Variants in STPG2 observed in about 807,000 individuals in gnomAD.
STPG2 encodes the protein sperm-tail PG-rich repeat-containing protein 2.
A neutral mutation model predicts 54.2 loss-of-function variants in STPG2; 56 were observed. The ratio of observed to expected loss-of-function variants is 1.03; its 90% CI spans 0.83 to 1.29. The LOEUF (loss-of-function observed/expected upper bound fraction) is 1.29, where lower values mean the gene tolerates loss of function less well. Among genes scored for constraint, STPG2 ranks in the 50% most tolerant of loss-of-function variants. STPG2 has a pLI of 0.00. For missense variants in STPG2, 596 were observed against 544.9 expected, an observed-to-expected ratio of 1.09 and a Z score of -0.93; for synonymous variants, 200 against 181.8, an observed-to-expected ratio of 1.10 and a Z score of -0.81.
intron 9 of STPG2, among the ~76,000 whole-genome samples, chr4:97,719,525 T>G (rs1197072250): frequency 6.6e-6 from 1 of 151,968 alleles, no homozygotes; most frequent in African/African-American, 2.4e-5. Context: ...TACAATTTAG[T>G]GTGTTGTTGT....
chr4:97,668,664 G>T (rs944274387), intron 10 of STPG2, among the ~76,000 whole-genome samples: 99 of 140,840 alleles, frequency 7.0e-4, no homozygotes, highest in African/African-American at 2.4e-3. Context: ...AGGAAGGAAA[G>T]AAGGGAGGGA....
intron 4 of STPG2, among the ~76,000 whole-genome samples, chr4:97,455,915 G>A (rs1230857451): frequency 4.6e-5 from 7 of 152,128 alleles, no homozygotes; most frequent in African/African-American, 1.7e-4. Flanking sequence ...TGAGCAGTGG[G>A]GCACTGAAGA....
intron 9 of STPG2, among the ~76,000 whole-genome samples, chr4:97,754,896 G>A (rs544632870): frequency 6.6e-6 from 1 of 152,146 alleles, no homozygotes; most frequent in South Asian, 2.1e-4. Flanking sequence ...AAATCATTGA[G>A]GCCATCCTAG....
At chr4:97,988,398 G>C (rs529732686) in intron 5 of STPG2, among the ~76,000 whole-genome samples, 5 of 152,170 alleles carry the variant, frequency 3.3e-5, no homozygotes, top group African/African-American at 1.2e-4. Context: ...GAAAGGTCAA[G>C]TCATTTTCTT....
At chr4:97,779,380 G>GA (rs1219491294) in intron 9 of STPG2, among the ~76,000 whole-genome samples, 1 of 151,752 alleles carries the variant, frequency 6.6e-6, no homozygotes. Flanking sequence ...GAAGTTTAGA[G>GA]AAAAAAAGGG....
At chr4:97,508,406 T>C (rs1730898762) in intron 4 of STPG2, among the ~76,000 whole-genome samples, 1 of 152,106 alleles carries the variant, frequency 6.6e-6, no homozygotes, top group Non-Finnish European at 1.5e-5. Context: ...ATTCAAAATA[T>C]GGTTATTCAC....
At chr4:98,078,096 G>A (rs997839930) in intron 5 of STPG2, among the ~76,000 whole-genome samples, 10 of 151,964 alleles carry the variant, frequency 6.6e-5, no homozygotes, top group Admixed American at 6.6e-5. Flanking sequence ...CAAAATGAGA[G>A]AGAGAGAAAA....
At chr4:97,676,571 A>G in intron 10 of STPG2, among the ~76,000 whole-genome samples, 1 of 124,316 alleles carries the variant, frequency 8.0e-6, no homozygotes, top group Admixed American at 8.5e-5. Context: ...GGAAGGAAGG[A>G]AGGAAAGGAG....
chr4:97,639,811 TG>T (rs1238241944), intron 10 of STPG2, among the ~76,000 whole-genome samples: 3 of 152,030 alleles, frequency 2.0e-5, no homozygotes, highest in African/African-American at 7.2e-5. Flanking sequence ...AGGAACCATT[TG>T]GGAATATGAT....
intron 4 of STPG2, among the ~76,000 whole-genome samples, chr4:97,507,212 TAGA>T (rs1262849126): frequency 2.0e-5 from 3 of 151,806 alleles, no homozygotes; most frequent in Admixed American, 6.6e-5. Context: ...AGAAAAAAGT[TAGA>T]AGAAGTTAAA....
At chr4:97,817,140 G>A (rs1727942642) in intron 9 of STPG2, among the ~76,000 whole-genome samples, 2 of 150,162 alleles carry the variant, frequency 1.3e-5, no homozygotes, top group Non-Finnish European at 3.0e-5. Context: ...CCTTGGAAAT[G>A]TGTGACTTTA....
At chr4:98,110,196 C>T (rs551551493) in intron 3 of STPG2, among the ~76,000 whole-genome samples, 3 of 152,064 alleles carry the variant, frequency 2.0e-5, no homozygotes, top group South Asian at 2.1e-4. Context: ...CCAAGAATGT[C>T]AGGCGACCAT....
At chr4:97,897,898 T>A (rs1340625944) in intron 8 of STPG2, among the ~76,000 whole-genome samples, 1 of 151,616 alleles carries the variant, frequency 6.6e-6, no homozygotes, top group Admixed American at 6.6e-5. Flanking sequence ...ATGCAGAAGC[T>A]CTTAAGTATA....
chr4:98,073,351 T>A (rs1371069526), intron 5 of STPG2, among the ~76,000 whole-genome samples: 1 of 152,204 alleles, frequency 6.6e-6, no homozygotes, highest in Non-Finnish European at 1.5e-5. Context: ...CTGTGTATTA[T>A]CAATGTATGT....
In STPG2 at chr4:98,021,209, G is replaced by A. The variant is rs1036128206; in HGVS notation, c.613-39891C>T. 1.6e-4 allele frequency among the ~76,000 whole-genome samples: 20 copies of A among 125,034 alleles called. 3 individuals carry two copies. The highest frequency in any genetic ancestry group is 6.0e-4 in the African/African-American group (19 of 31,912). The allele number at this position is 125,034 out of a possible 152,430, so 82.0% of individuals were successfully genotyped here. ...CTTTGAATGTGTCTCAGAGATTCTG[G>A]TATGTTGTGTCTTTGTTCTCATTGA... On this transcript the variant is annotated intron_variant, in intron 5 of 10. Coordinates refer to ENST00000295268, the MANE Select transcript of STPG2 (RefSeq NM_174952.3).
chr4:97,647,874 C>T (rs1721954450), intron 10 of STPG2, among the ~76,000 whole-genome samples: 1 of 152,068 alleles, frequency 6.6e-6, no homozygotes, highest in African/African-American at 2.4e-5. Context: ...CTGGCAGGGG[C>T]CAGTGTGGGT....
chr4:97,783,529 G>T (rs951380390), intron 9 of STPG2, among the ~76,000 whole-genome samples: 4 of 152,146 alleles, frequency 2.6e-5, no homozygotes, highest in Non-Finnish European at 5.9e-5. Flanking sequence ...ATTCCTCAAG[G>T]ATCTAGAACT....
intron 9 of STPG2, among the ~76,000 whole-genome samples, chr4:97,736,467 G>T (rs545582911): frequency 1.4e-3 from 208 of 152,306 alleles, no homozygotes; most frequent in Non-Finnish European, 2.3e-3. Flanking sequence ...AAAGAAAGGG[G>T]TGACAGATGG....
intron 9 of STPG2, among the ~76,000 whole-genome samples, chr4:97,839,655 A>G (rs1728739053): frequency 6.6e-6 from 1 of 151,586 alleles, no homozygotes; most frequent in South Asian, 2.1e-4. Flanking sequence ...CAAAATCAAC[A>G]TGGTGTAATA....
Sources: gnomAD v4.1 joint callset for allele counts (sites outside exome capture counted in the v4.1 genomes callset) on GRCh38, gnomAD v4.1.1 for gene constraint, MANE v1.5 for transcripts, NCBI Gene and HGNC (gene_info 2026-07-23, HGNC 2026-07-21) for gene names.